Variants in ALOX5 observed in about 807,000 individuals in gnomAD.
The protein encoded by ALOX5 is polyunsaturated fatty acid 5-lipoxygenase.
A neutral mutation model predicts 87.9 loss-of-function variants in ALOX5; 64 were observed. The observed-to-expected ratio is 0.73, with a 90% CI of 0.60 to 0.90. The LOEUF is 0.90. Ranked by LOEUF, ALOX5 falls within the 40% of genes least tolerant of loss-of-function variation. The pLI is 0.00. For synonymous variants in ALOX5, 388 were observed against 355.1 expected, an observed-to-expected ratio of 1.09 and a Z score of -1.04; for missense variants, 822 against 907.5, an observed-to-expected ratio of 0.91 and a Z score of 1.21.
At chr10:45,418,317 G>A (rs185601882) in intron 4 of ALOX5, among the ~76,000 whole-genome samples, 2 of 152,260 alleles carry the variant, frequency 1.3e-5, no homozygotes, top group Non-Finnish European at 2.9e-5. Flanking sequence ...TAGGAAAGTC[G>A]TCTAAGTTCC....
rs755362660 is a variant in ALOX5 at position 45,425,082 on chromosome 10, A to T, written c.784A>T (p.Met262Leu). Residue 262 changes from methionine (M) to leucine (L), a missense_variant, in exon 6 of 14, where the codon ATG (methionine) becomes TTG (leucine). Coordinates refer to ENST00000374391, the MANE Select transcript of ALOX5 (RefSeq NM_000698.5). This position sits in a 1 kb window ranked among gnomAD's most constrained non-coding sequence, Gnocchi z 4.4. ...CGAGAAGCTCCCGGTGACCACGGAG[A>T]TGGTAGAGTGCAGCCTGGAGCGGCA... ...LPEKLPVTTE[M>L]VECSLERQLS... is the part of the protein sequence containing the mutation. 1.9e-6 allele frequency: 3 copies of T among 1,613,892 alleles called. No individual in the cohort carries two copies. The highest frequency in any genetic ancestry group is 2.5e-6 in the Non-Finnish European group (3 of 1,180,018).
intron 1 of ALOX5, among the ~76,000 whole-genome samples, chr10:45,376,645 A>C (rs1839623987): frequency 6.6e-6 from 1 of 152,238 alleles, no homozygotes; most frequent in African/African-American, 2.4e-5. Context: ...ATAACAATAA[A>C]GGTATTTCCA....
chr10:45,413,734 C>T (rs1841159574), intron 4 of ALOX5, among the ~76,000 whole-genome samples: 1 of 152,200 alleles, frequency 6.6e-6, no homozygotes, highest in South Asian at 2.1e-4. Flanking sequence ...TGATAAGGAA[C>T]TTCAGCAAAG....
intron 3 of ALOX5, among the ~76,000 whole-genome samples, chr10:45,402,836 G>T (rs1840750277): frequency 6.6e-6 from 1 of 152,162 alleles, no homozygotes; most frequent in African/African-American, 2.4e-5. Flanking sequence ...TAGAAAATGG[G>T]CAAGAAGTTT....
Position 45,444,169 on chromosome 10 carries a change from A to C in ALOX5, c.1728A>C (p.Pro576=). Residue 576 remains proline (P), a synonymous_variant, in exon 13 of 14, where the codon CCA becomes CCC. Coordinates refer to ENST00000374391, the MANE Select transcript of ALOX5 (RefSeq NM_000698.5). The part of the protein sequence containing the change: ...PNAPPTMRAP[P]PTAKGVVTIE... ...CGCCCCCAACCATGCGAGCCCCGCC[A>C]CCGACTGCCAAGGGCGTGGTGACCA... is the stretch of plus-strand genomic sequence containing the variant. 6.4e-7 allele frequency: 1 copy of C among 1,556,476 alleles called. No individual in the cohort carries two copies.
chr10:45,387,814 T>C (rs1337196484), intron 2 of ALOX5, among the ~76,000 whole-genome samples: 2 of 152,208 alleles, frequency 1.3e-5, no homozygotes, highest in Non-Finnish European at 2.9e-5. Context: ...AATTCACTAA[T>C]TCAGACTGGT....
At chr10:45,402,172 C>T (rs963295892) in intron 3 of ALOX5, among the ~76,000 whole-genome samples, 1 of 151,554 alleles carries the variant, frequency 6.6e-6, no homozygotes, top group Non-Finnish European at 1.5e-5. Flanking sequence ...CATAACTGAG[C>T]AATATCTTCA....
chr10:45,437,584 C>A (rs937580495), intron 7 of ALOX5, among the ~76,000 whole-genome samples: 2 of 152,088 alleles, frequency 1.3e-5, no homozygotes, highest in Admixed American at 1.3e-4. Flanking sequence ...TGTACTTTAA[C>A]CAAGATATTT....
intron 4 of ALOX5, among the ~76,000 whole-genome samples, chr10:45,414,538 C>T (rs1841197239): frequency 1.3e-5 from 2 of 152,184 alleles, no homozygotes; most frequent in African/African-American, 4.8e-5. Context: ...GCAAGGACTT[C>T]ATGTCTAAAA....
chr10:45,382,046 A>T (rs1839848744), intron 1 of ALOX5, among the ~76,000 whole-genome samples: 1 of 152,228 alleles, frequency 6.6e-6, no homozygotes, highest in South Asian at 2.1e-4. Context: ...TCTTAAAAAG[A>T]TGAAGACCCC....
chr10:45,397,913 C>A (rs1564422408), intron 3 of ALOX5, among the ~76,000 whole-genome samples: 1 of 152,066 alleles, frequency 6.6e-6, no homozygotes, highest in Non-Finnish European at 1.5e-5. Flanking sequence ...TGGCAATACC[C>A]CACAAATTAA....
At chr10:45,428,428 G>A in intron 6 of ALOX5, 190 bp from the exon 7 acceptor site, 1 of 692,040 alleles carries the variant, frequency 1.4e-6, no homozygotes, top group Non-Finnish European at 2.3e-6. Flanking sequence ...ACCCCGAACT[G>A]CCACAACCTG....
chr10:45,440,778 T>C, intron 8 of ALOX5, 145 bp downstream of exon 8: 1 of 876,248 alleles, frequency 1.1e-6, no homozygotes, highest in Non-Finnish European at 1.7e-6. Flanking sequence ...GAGTCAGTAA[T>C]GCCCCTAAAG....
chr10:45,438,768 C>A (rs1423449984), intron 7 of ALOX5, among the ~76,000 whole-genome samples: 1 of 152,212 alleles, frequency 6.6e-6, no homozygotes, highest in African/African-American at 2.4e-5. Flanking sequence ...TTCAAGAAAA[C>A]CAGGTCATTC....
intron 4 of ALOX5, among the ~76,000 whole-genome samples, chr10:45,418,686 C>T (rs1354725580): frequency 6.6e-6 from 1 of 152,134 alleles, no homozygotes; most frequent in African/African-American, 2.4e-5. Flanking sequence ...GCACAGGGGG[C>T]TGCAGCGGAG....
At chr10:45,378,730 A>C (rs1055505923) in intron 1 of ALOX5, among the ~76,000 whole-genome samples, 4 of 152,278 alleles carry the variant, frequency 2.6e-5, no homozygotes, top group African/African-American at 9.6e-5. Context: ...CACAGCCATC[A>C]AGCTTTGTCT....
At chr10:45,394,791 C>T (rs1401141704) in intron 2 of ALOX5, among the ~76,000 whole-genome samples, 4 of 151,968 alleles carry the variant, frequency 2.6e-5, no homozygotes, top group African/African-American at 4.8e-5. Flanking sequence ...AAAAAGTGGG[C>T]GAAGGATATG....
chr10:45,377,012 G>A (rs1355453701), intron 1 of ALOX5, among the ~76,000 whole-genome samples: 2 of 152,188 alleles, frequency 1.3e-5, no homozygotes, highest in African/African-American at 4.8e-5. Context: ...GATCGGATAC[G>A]ATAACTGTAA....
At chr10:45,438,299 G>A (rs112206204) in intron 7 of ALOX5, among the ~76,000 whole-genome samples, 3 of 152,090 alleles carry the variant, frequency 2.0e-5, no homozygotes, top group Admixed American at 1.3e-4. Context: ...TCATGTTGCC[G>A]GCTGAGCTCT....
Sources: gnomAD v4.1 joint callset for allele counts (sites outside exome capture counted in the v4.1 genomes callset) on GRCh38, gnomAD v4.1.1 for gene constraint, Gnocchi (gnomAD v3.1) non-coding constraint, MANE v1.5 for transcripts, NCBI Gene and HGNC (gene_info 2026-07-23, HGNC 2026-07-21) for gene names.